The following LPAR6 variants were observed in gnomAD, a reference collection of about 807,000 sequenced individuals.
The protein encoded by LPAR6 is lysophosphatidic acid receptor 6, also known as G-protein coupled purinergic receptor P2Y5.
A neutral mutation model predicts 22.0 loss-of-function variants in LPAR6; 17 were observed. That is an observed-to-expected ratio of 0.77 (90% CI 0.53 to 1.16). The LOEUF (loss-of-function observed/expected upper bound fraction) is 1.16, where lower values mean the gene tolerates loss of function less well. Among genes scored for constraint, LPAR6 ranks in the 50% most tolerant of loss-of-function variants. The probability of loss-of-function intolerance (pLI) is 0.00; values close to 1 mark genes in which losing one functional copy is unlikely to be tolerated. For missense variants in LPAR6, 384 were observed against 406.9 expected (o/e 0.94, Z 0.48); for synonymous variants, 136 against 139.8 (o/e 0.97, Z 0.19).
At chr13:48,422,017 G>A (rs139547958) in intron 2 of LPAR6, among the ~76,000 whole-genome samples, 23 of 152,220 alleles carry the variant, frequency 1.5e-4, no homozygotes, top group East Asian at 1.9e-4. Context: ...CCATTACTGG[G>A]TATATACCCA....
rs368707889 is a variant in LPAR6, at chr13:48,426,154, C to T, written c.-1095+705G>A. The stretch of plus-strand genomic sequence containing the variant: ...TGAACTTTAAGATGGATATGACATG[C>T]CCTTTTGACCTTATGAAGAGTTTTC... On this transcript the variant is annotated intron_variant, in intron 1 of 4. Transcript: ENST00000345941. Among the ~76,000 whole-genome samples the T allele has an allele frequency of 7.2e-5, 11 of 152,182 alleles. No homozygotes were observed. In the South Asian group the frequency reaches 1.7e-3, roughly 23 times the overall value.
chr13:48,390,372 C>T (rs73490887), intron 1 of LPAR6, among the ~76,000 whole-genome samples: 5,291 of 152,158 alleles, frequency 0.035, 225 homozygotes, highest in African/African-American at 0.098. Context: ...GGGTAGTTTA[C>T]TGTATTTTAA....
At chr13:48,398,926 G>C (rs188520545) in intron 1 of LPAR6, among the ~76,000 whole-genome samples, 1 of 152,088 alleles carries the variant, frequency 6.6e-6, no homozygotes, top group African/African-American at 2.4e-5. Context: ...TTGTTGACTA[G>C]CTCCTTTGTG....
chr13:48,443,255 A>G (rs544687968), intron 1 of LPAR6, among the ~76,000 whole-genome samples: 187 of 151,810 alleles, frequency 1.2e-3, no homozygotes, highest in African/African-American at 4.3e-3. Flanking sequence ...TTCCTTTTTC[A>G]GTAAATGGAT....
chr13:48,441,076 A>G (rs1336493130), intron 1 of LPAR6, among the ~76,000 whole-genome samples: 9 of 152,204 alleles, frequency 5.9e-5, no homozygotes, highest in Admixed American at 5.9e-4. Context: ...ACAAAATACC[A>G]TAGATTTGGT....
chr13:48,394,757 T>C (rs1948634922), intron 1 of LPAR6, among the ~76,000 whole-genome samples: 3 of 152,226 alleles, frequency 2.0e-5, no homozygotes, highest in Admixed American at 6.5e-5. Context: ...CAGGGGCCTA[T>C]AGATAAAACT....
upstream of LPAR6, chr13:48,429,264 G>A (rs1414449199): frequency 6.6e-6 from 1 of 152,202 alleles, no homozygotes; most frequent in Non-Finnish European, 1.5e-5. Flanking sequence ...AAACTAGAAA[G>A]GATTGCTAGG....
intron 1 of LPAR6, among the ~76,000 whole-genome samples, chr13:48,395,614 C>G (rs921012016): frequency 2.7e-5 from 4 of 149,654 alleles, no homozygotes; most frequent in Admixed American, 6.7e-5. Context: ...ATCGATCAAG[C>G]AGAAAAAAAG....
At chr13:48,420,108 C>T (rs1169080676) in intron 2 of LPAR6, among the ~76,000 whole-genome samples, 1 of 152,198 alleles carries the variant, frequency 6.6e-6, no homozygotes, top group Non-Finnish European at 1.5e-5. Flanking sequence ...CGGCCAATAT[C>T]CTTGATGAAT....
chr13:48,415,368 C>T (rs925480104), upstream of LPAR6, among the ~76,000 whole-genome samples: 1 of 151,866 alleles, frequency 6.6e-6, no homozygotes, highest in South Asian at 2.1e-4. Flanking sequence ...CAACCTCTGC[C>T]TCCCAGGTTC....
chr13:48,440,676 G>C (rs1278576907), intron 1 of LPAR6, among the ~76,000 whole-genome samples: 1 of 152,052 alleles, frequency 6.6e-6, no homozygotes, highest in African/African-American at 2.4e-5. Context: ...GAAGAACTTA[G>C]TTAAATTTAA....
chr13:48,440,792 A>C (rs1477685380), intron 1 of LPAR6, among the ~76,000 whole-genome samples: 6 of 152,336 alleles, frequency 3.9e-5, no homozygotes, highest in East Asian at 1.9e-4. Context: ...ATGTATTCAT[A>C]ATAAATAGAA....
chr13:48,433,305 T>C (rs1195737574), intron 1 of LPAR6, among the ~76,000 whole-genome samples: 1 of 152,178 alleles, frequency 6.6e-6, no homozygotes, highest in African/African-American at 2.4e-5. Context: ...CTTTGATGTT[T>C]TAAAACATTT....
chr13:48,442,044 AC>A (rs986614641), intron 1 of LPAR6, among the ~76,000 whole-genome samples: 3 of 152,128 alleles, frequency 2.0e-5, no homozygotes, highest in African/African-American at 7.2e-5. Flanking sequence ...TTCAGTCGTA[AC>A]CCACTCCTTC....
chr13:48,423,000 G>A (rs1949028562), intron 1 of LPAR6, among the ~76,000 whole-genome samples: 1 of 151,906 alleles, frequency 6.6e-6, no homozygotes, highest in African/African-American at 2.4e-5. Flanking sequence ...TGTGGTGGTG[G>A]GCACCTGTAG....
intron 2 of LPAR6, among the ~76,000 whole-genome samples, chr13:48,418,614 C>G (rs1054000130): frequency 6.6e-6 from 1 of 151,758 alleles, no homozygotes; most frequent in African/African-American, 2.4e-5. Context: ...GAGTCAAGAC[C>G]CATCAGTGTG....
chr13:48,426,658 A>G (rs1178742573), intron 1 of LPAR6: 1 of 152,224 alleles, frequency 6.6e-6, no homozygotes, highest in Non-Finnish European at 1.5e-5. Context: ...AACTTAGGAA[A>G]CTAAAACCAT....
upstream of LPAR6, among the ~76,000 whole-genome samples, chr13:48,430,417 A>G (rs930715480): frequency 4.6e-5 from 7 of 152,184 alleles, no homozygotes; most frequent in African/African-American, 1.7e-4. Context: ...ACTCCATATA[A>G]GTTCTGGAAA....
chr13:48,418,482 T>C (rs1195681841), intron 2 of LPAR6, among the ~76,000 whole-genome samples: 1 of 152,086 alleles, frequency 6.6e-6, no homozygotes, highest in East Asian at 1.9e-4. Context: ...CATCAACTAA[T>C]GGGCAAACTA....
Sources: allele counts gnomAD v4.1 joint callset (sites outside exome capture counted in the v4.1 genomes callset), GRCh38; gene constraint gnomAD v4.1.1; transcripts MANE v1.5; gene names NCBI Gene and HGNC (gene_info 2026-07-23, HGNC 2026-07-21).